Variants in RBM6 observed in about 807,000 individuals in gnomAD.
The protein encoded by RBM6 is RNA-binding protein 6.
In RBM6, 23 loss-of-function variants were observed where a neutral mutation model predicts 140.4. The observed-to-expected ratio is 0.16, with a 90% confidence interval of 0.12 to 0.23. The LOEUF (loss-of-function observed/expected upper bound fraction) is 0.23, where lower values mean the gene tolerates loss of function less well. RBM6 is among the 10% of genes least tolerant of loss of function. The pLI is 1.00. For synonymous variants in RBM6, 439 were observed against 475.6 expected (o/e 0.92, Z 1.00); for missense variants, 1,139 against 1,386.7 (o/e 0.82, Z 2.84).
chr3:50,021,734 T>C (rs1030057884), intron 6 of RBM6, among the ~76,000 whole-genome samples: 4 of 143,732 alleles, frequency 2.8e-5, no homozygotes, highest in African/African-American at 1.0e-4. Context: ...CTGAGGAATT[T>C]AAGTGCTTTT....
At chr3:50,038,503 A>G (rs569631956) in intron 6 of RBM6, among the ~76,000 whole-genome samples, 43 of 152,168 alleles carry the variant, frequency 2.8e-4, no homozygotes, top group Non-Finnish European at 4.3e-4. Context: ...GAGCTCCAAT[A>G]GTAGTCATCT....
chr3:50,040,347 G>T (rs2108853010), intron 6 of RBM6, among the ~76,000 whole-genome samples: 1 of 150,374 alleles, frequency 6.7e-6, no homozygotes, highest in South Asian at 2.1e-4. Flanking sequence ...TCGGGAGGCT[G>T]AGGCAGGAAA....
Position 50,058,503 on chromosome 3 carries a change from A to C in RBM6, c.2071A>C (p.Lys691Gln). The change falls in exon 10 of 21, where the codon AAG (lysine) becomes CAG (glutamine). Residue 691 changes from lysine to glutamine, a missense_variant. Physicochemically the swap from Lys to Gln is moderately conservative, Grantham distance 53 (BLOSUM62 1). This residue lies in a region of RBM6 where 47 missense variants were observed against 117.6 expected (regional missense o/e 0.40). Coordinates refer to ENST00000266022, the MANE Select transcript of RBM6 (RefSeq NM_005777.3). ...TACTACTGCCAACGTCCGTATCATC[A>C]AGAACAGAACAGGCCCTATGGGGCA... Reference protein sequence around the residue: ...RLTTANVRIIKNRTGPMGHTY... With the variant: ...RLTTANVRIIQNRTGPMGHTY... The C allele has an allele frequency of 6.2e-7, 1 of 1,609,804 alleles. No homozygotes were observed. The highest frequency in any genetic ancestry group is 8.5e-7 in the Non-Finnish European group (1 of 1,176,044).
intron 15 of RBM6, among the ~76,000 whole-genome samples, chr3:50,063,611 A>AG (rs61699183): frequency 2.0e-5 from 3 of 151,684 alleles, no homozygotes; most frequent in Admixed American, 6.6e-5. Context: ...AAAAAAAAAA[A>AG]GAAAATCTGC....
intron 20 of RBM6, among the ~76,000 whole-genome samples, chr3:50,076,549 C>T (rs1177113099): frequency 6.6e-6 from 1 of 151,472 alleles, no homozygotes; most frequent in Non-Finnish European, 1.5e-5. Flanking sequence ...GATCGTGCCA[C>T]TGCACTCCAG....
At chr3:50,049,069 T>C (rs867102063) in intron 7 of RBM6, among the ~76,000 whole-genome samples, 5 of 151,730 alleles carry the variant, frequency 3.3e-5, no homozygotes, top group Non-Finnish European at 4.4e-5. Context: ...CCCAAAGTGC[T>C]GGGATTATAG....
chr3:49,991,370 G>A (rs566491266), intron 5 of RBM6, among the ~76,000 whole-genome samples: 12 of 152,224 alleles, frequency 7.9e-5, no homozygotes, highest in Non-Finnish European at 1.6e-4. Flanking sequence ...ATTGACAGTG[G>A]GTGATTTGCT....
chr3:50,011,937 C>A (rs2108769376), intron 6 of RBM6, among the ~76,000 whole-genome samples: 1 of 151,794 alleles, frequency 6.6e-6, no homozygotes, highest in Admixed American at 6.6e-5. Flanking sequence ...CTGCAGCCTC[C>A]ACCTCCCGGG....
intron 7 of RBM6, among the ~76,000 whole-genome samples, chr3:50,052,217 A>G (rs1315840855): frequency 2.0e-5 from 3 of 152,136 alleles, no homozygotes; most frequent in Non-Finnish European, 4.4e-5. Context: ...GGCGTGTGCC[A>G]CCATCCCCAG....
chr3:50,041,957 A>T (rs1205834571), intron 6 of RBM6, among the ~76,000 whole-genome samples: 1 of 152,192 alleles, frequency 6.6e-6, no homozygotes, highest in Admixed American at 6.5e-5. Flanking sequence ...GCAAAAAGAA[A>T]ACCTGACTTT....
chr3:49,941,327 A>C (rs1034542857), intron 1 of RBM6, among the ~76,000 whole-genome samples: 1 of 152,260 alleles, frequency 6.6e-6, no homozygotes, highest in East Asian at 1.9e-4. Flanking sequence ...GACAGGTCCC[A>C]GGTCTCTCTG....
intron 6 of RBM6, among the ~76,000 whole-genome samples, chr3:50,040,756 A>G (rs2088870834): frequency 6.6e-6 from 1 of 151,380 alleles, no homozygotes; most frequent in Non-Finnish European, 1.5e-5. Flanking sequence ...TCACAGGTTC[A>G]AGCAACCCTC....
chr3:49,981,868 G>A (rs2085319189), intron 5 of RBM6, among the ~76,000 whole-genome samples: 2 of 152,154 alleles, frequency 1.3e-5, no homozygotes, highest in Non-Finnish European at 2.9e-5. Context: ...TAGTATATAA[G>A]CTTGCTGTGA....
intron 5 of RBM6, among the ~76,000 whole-genome samples, chr3:49,989,854 C>T (rs576623832): frequency 6.6e-5 from 10 of 152,214 alleles, no homozygotes; most frequent in African/African-American, 2.4e-4. Context: ...TCAAGCCATT[C>T]TCGTGCCTCA....
chr3:50,008,095 C>T (rs1215994420), intron 6 of RBM6, among the ~76,000 whole-genome samples: 3 of 152,150 alleles, frequency 2.0e-5, no homozygotes, highest in Non-Finnish European at 4.4e-5. Flanking sequence ...GATGCTGTCT[C>T]TCAAAGCAAA....
chr3:50,031,873 A>G (rs778523625), intron 6 of RBM6, among the ~76,000 whole-genome samples: 24 of 152,208 alleles, frequency 1.6e-4, no homozygotes, highest in Non-Finnish European at 3.1e-4. Context: ...AGATAAATGC[A>G]TGAGGGGATG....
chr3:50,059,512 T>G (rs2089852279), intron 10 of RBM6, 137 bp from the exon 11 acceptor site: 1 of 646,836 alleles, frequency 1.5e-6, no homozygotes, highest in South Asian at 2.5e-5. Flanking sequence ...ACTGTTAAAA[T>G]TTTGACAGAA....
chr3:49,995,413 G>A (rs1274091741), intron 5 of RBM6, among the ~76,000 whole-genome samples: 1 of 151,934 alleles, frequency 6.6e-6, no homozygotes, highest in Non-Finnish European at 1.5e-5. Flanking sequence ...AAAATTAGCC[G>A]GGCGTGGTAG....
intron 18 of RBM6, among the ~76,000 whole-genome samples, chr3:50,070,152 C>T (rs549175363): frequency 2.0e-4 from 31 of 152,122 alleles, no homozygotes; most frequent in African/African-American, 6.7e-4. Context: ...GTCAGGAGTT[C>T]GAGACTAGCC....
Sources: allele counts gnomAD v4.1 joint callset (sites outside exome capture counted in the v4.1 genomes callset), GRCh38; gene constraint gnomAD v4.1.1; regional missense constraint gnomAD v4.1.1; transcripts MANE v1.5; gene names NCBI Gene and HGNC (gene_info 2026-07-23, HGNC 2026-07-21).